Variants in EFCAB5 observed in about 807,000 individuals in gnomAD.
The protein encoded by EFCAB5 is EF-hand calcium-binding domain-containing protein 5.
In EFCAB5, 131 loss-of-function variants were observed where a neutral mutation model predicts 167.9. That is an observed-to-expected ratio of 0.78 (90% CI 0.68 to 0.90). The LOEUF (loss-of-function observed/expected upper bound fraction) is 0.90, where lower values mean the gene tolerates loss of function less well. Among genes scored for constraint, EFCAB5 ranks in the 40% least tolerant of loss-of-function variants. The pLI is 0.00. For synonymous variants in EFCAB5, 574 were observed against 602.8 expected (o/e 0.95, Z 0.70); for missense variants, 1,663 against 1,745.2 (o/e 0.95, Z 0.84).
At chr17:30,011,848 A>G (rs2068910528) in intron 7 of EFCAB5, among the ~76,000 whole-genome samples, 1 of 152,216 alleles carries the variant, frequency 6.6e-6, no homozygotes, top group African/African-American at 2.4e-5. Context: ...GAGCTGTTCC[A>G]GTATAATAAA....
rs768647555 is a variant in EFCAB5, at chr17:30,051,123, G to T, written c.1206G>T (p.Gly402=). The part of the protein sequence containing the change: ...LFLHCDHGKV[G]FLDRQRTLAL... ...AAACTTTCTTCTTTGCTTAGGTAGG[G>T]TTTTTGGATCGGCAGAGGACATTGG... The change falls in exon 9 of 23, where the codon GGG becomes GGT. Residue 402 remains glycine (G), a synonymous_variant. Transcript: ENST00000394835. The T allele has an allele frequency of 2.5e-6, 4 of 1,613,630 alleles. No individual in the cohort carries two copies. In the South Asian group the frequency reaches 4.4e-5, roughly 18 times the overall value.
At chr17:30,097,956 A>T (rs1164110538) in intron 22 of EFCAB5, among the ~76,000 whole-genome samples, 1 of 151,952 alleles carries the variant, frequency 6.6e-6, no homozygotes, top group African/African-American at 2.4e-5. Flanking sequence ...GTGTTTTGAG[A>T]CAGGGCCCCC....
chr17:29,968,845 A>G lies in EFCAB5; in HGVS notation c.245A>G (p.Lys82Arg), dbSNP rs760866950. The change falls in exon 4 of 23, where the codon AAA becomes AGA. Residue 82 changes from lysine (K) to arginine (R), a missense_variant. Physicochemically the swap from Lys to Arg is conservative, Grantham distance 26 (BLOSUM62 2). Coordinates refer to ENST00000394835, the MANE Select transcript of EFCAB5 (RefSeq NM_198529.4). ...TCACCTGGTTCAATAAAGGACTCTAAAACTGAAGCCTCAGGTAATATTGCA... is the reference window on the plus strand; with the variant it reads ...TCACCTGGTTCAATAAAGGACTCTAGAACTGAAGCCTCAGGTAATATTGCA... Reference protein sequence around the residue: ...KISPGSIKDSKTEASGNIAIR... With the variant: ...KISPGSIKDSRTEASGNIAIR... The G allele has an allele frequency of 3.2e-6, 5 of 1,551,864 alleles. No homozygotes were observed. In the South Asian group the frequency reaches 4.9e-5, roughly 15 times the overall value.
At chr17:30,097,033 TATACATATACATATAC>T (rs1246931516) in intron 22 of EFCAB5, among the ~76,000 whole-genome samples, 4 of 112,740 alleles carry the variant, frequency 3.5e-5, no homozygotes, top group Non-Finnish European at 5.1e-5. Flanking sequence ...TACATATACA[TATACATATACATATAC>T]ATATATATAT....
chr17:30,055,894 C>CA lies in EFCAB5; in HGVS notation c.2207dup (p.Glu737GlyfsTer9), dbSNP rs755823613. On this transcript the variant is annotated frameshift_variant, in exon 11 of 23. Transcript: ENST00000394835. LOFTEE classifies it high-confidence loss of function. ...TTTCATTTGCACCTTTTAGAAACTACAAAAAAGGAAGTTCAGAAAGACAAG... is the reference window on the plus strand; with the variant it reads ...TTTCATTTGCACCTTTTAGAAACTACAAAAAAAGGAAGTTCAGAAAGACAAG... 6.2e-7 allele frequency: 1 copy of CA among 1,611,792 alleles called. No homozygotes were observed. Among genetic ancestry groups the CA allele is most frequent in the South Asian group, 1.1e-5 (1 of 90,424 alleles).
Position 30,059,644 on chromosome 17 carries a change from G to A in EFCAB5, c.2680G>A (p.Val894Ile). 6.2e-7 allele frequency: 1 copy of A among 1,613,004 alleles called. No individual in the cohort carries two copies. Among genetic ancestry groups the A allele is most frequent in the South Asian group, 1.1e-5 (1 of 90,958 alleles). The change falls in exon 14 of 23, where the codon GTT becomes ATT. Residue 894 changes from valine to isoleucine, a missense_variant. Coordinates refer to ENST00000394835, the MANE Select transcript of EFCAB5 (RefSeq NM_198529.4). Reference sequence around the variant, plus strand: ...CTCAGGCTTCCTGGATCTGAAGGAAGTTGATGAACTCTTGTACACATACAA... The same window carrying A: ...CTCAGGCTTCCTGGATCTGAAGGAAATTGATGAACTCTTGTACACATACAA... ...DGSGFLDLKE[V>I]DELLYTYKEG...
At chr17:30,007,271 TC>T (rs2068791965) in intron 7 of EFCAB5, among the ~76,000 whole-genome samples, 1 of 152,180 alleles carries the variant, frequency 6.6e-6, no homozygotes, top group African/African-American at 2.4e-5. Flanking sequence ...CCATGTGGCT[TC>T]TTGTTACTTT....
At position 30,073,063 on chromosome 17, in the gene EFCAB5, T is replaced by G. The variant is rs1016779911; in HGVS notation, c.2738-5152T>G. 13 of 531,966 alleles carry G rather than the reference T, an allele frequency of 2.4e-5. No individual in the cohort carries two copies. In the Middle Eastern group the frequency reaches 8.3e-4, roughly 34 times the overall value. 33.0% of individuals were successfully genotyped at this position (531,966 alleles called of 1,614,324 possible). A position where few individuals can be genotyped will look rare whatever the true frequency, so the allele number is the denominator to read the frequency against. On this transcript the variant is annotated intron_variant, in intron 14 of 22. Coordinates refer to ENST00000394835, the MANE Select transcript of EFCAB5 (RefSeq NM_198529.4). ...TCCCCTCCCCATGCCCAACCTTTAT[T>G]TTTTTTTTTTTGAGACCAGGTCTCA...
At chr17:30,038,378 G>T (rs1330399633) in intron 8 of EFCAB5, among the ~76,000 whole-genome samples, 2 of 152,184 alleles carry the variant, frequency 1.3e-5, no homozygotes, top group African/African-American at 4.8e-5. Flanking sequence ...TTGTGGCATG[G>T]TTTACTGAAT....
intron 6 of EFCAB5, among the ~76,000 whole-genome samples, chr17:29,997,113 C>T (rs563103087): frequency 1.3e-5 from 2 of 151,936 alleles, no homozygotes; most frequent in South Asian, 4.2e-4. Flanking sequence ...GGCATGGTGG[C>T]GGGCGTCCGT....
intron 7 of EFCAB5, chr17:30,031,996 C>T (rs1336368160): frequency 2.0e-5 from 3 of 151,746 alleles, no homozygotes; most frequent in African/African-American, 7.3e-5. Flanking sequence ...GCCACTGCAC[C>T]ATTGCACTCC....
rs1247907238 is a variant in EFCAB5, at chr17:30,086,976, A to T, written c.3580-87A>T. The stretch of plus-strand genomic sequence containing the variant: ...AGCCAGAGGTCATCTAAGCTTTCCT[A>T]TTTTTTTTCTATTTATCTGTCCCCA... On this transcript the variant is annotated intron_variant, in intron 18 of 22. Transcript: ENST00000394835. The T allele has an allele frequency of 2.6e-6, 3 of 1,152,860 alleles. No homozygotes were observed. The East Asian group carries it at 7.4e-5, about 28-fold the overall frequency. The allele number at this position is 1,152,860 out of a possible 1,614,324, so 71.4% of individuals were successfully genotyped here.
chr17:30,083,397 C>T (rs1004210368), intron 18 of EFCAB5, among the ~76,000 whole-genome samples: 2 of 152,180 alleles, frequency 1.3e-5, no homozygotes, highest in African/African-American at 4.8e-5. Context: ...TAAAGATGGG[C>T]TTTTTCTGCA....
chr17:30,078,267 G>T lies in EFCAB5; in HGVS notation c.2790G>T (p.Leu930Phe), dbSNP rs985977791. 6 of 1,613,772 alleles carry T rather than the reference G, an allele frequency of 3.7e-6. No individual in the cohort carries two copies. The African/African-American group carries it at 6.7e-5, about 18-fold the overall frequency. The change falls in exon 15 of 23, where the codon TTG (leucine) becomes TTT (phenylalanine). Residue 930 changes from leucine to phenylalanine, a missense_variant. Leu to Phe is a conservative substitution (Grantham distance 22). Transcript: ENST00000394835. ...PKPHPGHEVR[L>F]SSKQFQNYIE... Reference sequence around the variant, plus strand: ...CACACCCTGGTCACGAAGTGAGATTGTCTTCAAAACAATTTCAGAATTACA... The same window carrying T: ...CACACCCTGGTCACGAAGTGAGATTTTCTTCAAAACAATTTCAGAATTACA...
chr17:29,951,178 A>C (rs2067501163), intron 3 of EFCAB5, among the ~76,000 whole-genome samples: 2 of 152,196 alleles, frequency 1.3e-5, no homozygotes, highest in South Asian at 2.1e-4. Context: ...AGATTGATAA[A>C]TACTATCCAC....
chr17:30,012,343 A>C (rs1015000762), intron 7 of EFCAB5, among the ~76,000 whole-genome samples: 7 of 152,192 alleles, frequency 4.6e-5, no homozygotes, highest in Admixed American at 3.3e-4. Flanking sequence ...GCTGTGCTTC[A>C]GTGGTCACGC....
intron 20 of EFCAB5, among the ~76,000 whole-genome samples, chr17:30,090,989 G>GC (rs1396735878): frequency 2.0e-5 from 3 of 152,084 alleles, no homozygotes; most frequent in Admixed American, 6.6e-5. Flanking sequence ...TTCAATCCTT[G>GC]CCATAACCCT....
At chr17:30,024,699 G>T (rs1004184280) in intron 7 of EFCAB5, among the ~76,000 whole-genome samples, 3 of 151,670 alleles carry the variant, frequency 2.0e-5, no homozygotes, top group African/African-American at 4.8e-5. Flanking sequence ...AGTTCATATG[G>T]AACCAAAAAA....
rs571100339 is a variant in EFCAB5 at position 30,023,507 on chromosome 17, A to C, written c.1045-10723A>C. Among the ~76,000 whole-genome samples the C allele has an allele frequency of 4.6e-5, 7 of 152,316 alleles. No homozygotes were observed. In the South Asian group the frequency reaches 1.4e-3, roughly 32 times the overall value. On this transcript the variant is annotated intron_variant, in intron 7 of 22. Transcript: ENST00000394835. ...AAGAAGTTGAATCACTGAATAGACC[A>C]ATAACAGGCTCTGAAATTGTGGCAA...
Sources: allele counts gnomAD v4.1 joint callset (sites outside exome capture counted in the v4.1 genomes callset), GRCh38; gene constraint gnomAD v4.1.1; transcripts MANE v1.5; gene names NCBI Gene and HGNC (gene_info 2026-07-23, HGNC 2026-07-21).